PCGF5: variants seen among roughly 807,000 people sequenced by gnomAD.
The protein encoded by PCGF5 is polycomb group ring finger 5.
Under a neutral mutation model 44.3 loss-of-function variants are expected in PCGF5, and 9 were observed. That is an observed-to-expected ratio of 0.20 (90% CI 0.12 to 0.35). The LOEUF is 0.35. Ranked by LOEUF, PCGF5 falls within the 10% of genes least tolerant of loss-of-function variation. The pLI is 1.00. For missense variants in PCGF5, 146 were observed against 305.3 expected, an observed-to-expected ratio of 0.48 and a Z score of 3.89; for synonymous variants, 95 against 102.5, an observed-to-expected ratio of 0.93 and a Z score of 0.44.
chr10:91,184,142 T>A (rs1363194773), intron 1 of PCGF5, among the ~76,000 whole-genome samples: 1 of 152,216 alleles, frequency 6.6e-6, no homozygotes, highest in East Asian at 1.9e-4. Flanking sequence ...ATGGATGATA[T>A]CCTAAAATAT....
chr10:91,274,087 TCTC>T (rs1846249840), intron 9 of PCGF5, among the ~76,000 whole-genome samples: 1 of 151,756 alleles, frequency 6.6e-6, no homozygotes, highest in Admixed American at 6.6e-5. Flanking sequence ...CTCTTTCTCT[TCTC>T]ATCTCCTTAT....
At chr10:91,217,840 G>A (rs1361521403), upstream of PCGF5, among the ~76,000 whole-genome samples, 1 of 152,210 alleles carries the variant, frequency 6.6e-6, no homozygotes, top group Non-Finnish European at 1.5e-5. Flanking sequence ...AGACTAGAGT[G>A]CAATGGCGCG....
intron 6 of PCGF5, among the ~76,000 whole-genome samples, chr10:91,258,652 G>C (rs190181314): frequency 8.5e-5 from 13 of 152,246 alleles, no homozygotes; most frequent in Admixed American, 5.9e-4. Context: ...TAGTTGAGAA[G>C]GTGAACAGAT....
At chr10:91,199,024 G>A (rs897993453) in intron 1 of PCGF5, among the ~76,000 whole-genome samples, 2 of 151,968 alleles carry the variant, frequency 1.3e-5, no homozygotes, top group Non-Finnish European at 2.9e-5. Flanking sequence ...TATTGTTTTT[G>A]TTCAGAAACT....
chr10:91,278,191 T>A, intron 9 of PCGF5, 78 bp from the exon 10 acceptor site: 1 of 1,230,710 alleles, frequency 8.1e-7, no homozygotes, highest in Non-Finnish European at 1.2e-6. Context: ...AACTCCGAAT[T>A]CTTAAAATCT....
At chr10:91,244,040 T>A (rs796707685) in intron 3 of PCGF5, among the ~76,000 whole-genome samples, 6 of 152,286 alleles carry the variant, frequency 3.9e-5, no homozygotes, top group African/African-American at 1.4e-4. Context: ...AAAATAAAGA[T>A]CTTTGCCCTT....
At chr10:91,215,674 A>G (rs769874363), upstream of PCGF5, among the ~76,000 whole-genome samples, 13 of 152,212 alleles carry the variant, frequency 8.5e-5, no homozygotes, top group Non-Finnish European at 1.8e-4. Context: ...CAGCTAACAC[A>G]CTTTTCTTCT....
chr10:91,214,096 G>A (rs1255773940), intron 1 of PCGF5, among the ~76,000 whole-genome samples: 1 of 152,062 alleles, frequency 6.6e-6, no homozygotes, highest in Non-Finnish European at 1.5e-5. Flanking sequence ...GAGCCCAGAA[G>A]TTCAAGACCA....
upstream of PCGF5, among the ~76,000 whole-genome samples, chr10:91,158,533 C>G (rs144026223): frequency 1.7e-4 from 26 of 152,230 alleles, no homozygotes; most frequent in African/African-American, 5.8e-4. Context: ...GAGCTAGGTT[C>G]TAGACATTAA....
chr10:91,265,489 T>C (rs1399483861), intron 8 of PCGF5, among the ~76,000 whole-genome samples: 1 of 152,132 alleles, frequency 6.6e-6, no homozygotes, highest in Non-Finnish European at 1.5e-5. Context: ...TAATTTATTC[T>C]GTAAACTAGA....
rs1253851433 is a variant in PCGF5, at chr10:91,271,692, T to G, written c.718T>G (p.Tyr240Asp). ...SQVCSQDGPL[Y>D]QSYPMVLQYR... ...AGTCTGCTCTCAGGATGGCCCTTTGTATCAGGTAAGAGGCACTCACGACTG... is the reference window on the plus strand; with the variant it reads ...AGTCTGCTCTCAGGATGGCCCTTTGGATCAGGTAAGAGGCACTCACGACTG... The change falls in exon 9 of 10, where the codon TAT becomes GAT. Residue 240 changes from tyrosine to aspartate, a missense_variant. By Grantham distance (160) the Tyr-to-Asp change is radical. Around this residue, in one of 3 missense-constraint regions of PCGF5, gnomAD observed 19 missense variants for 17.2 expected, o/e 1.11. Transcript: ENST00000336126. 1 of 1,613,648 alleles carries G rather than the reference T, an allele frequency of 6.2e-7. No individual in the cohort carries two copies. Among genetic ancestry groups the G allele is most frequent in the Middle Eastern group, 1.7e-4 (1 of 6,058 alleles).
chr10:91,195,477 TATATATATAGAGAGAG>T (rs1844115424), intron 1 of PCGF5, among the ~76,000 whole-genome samples: 7 of 110,898 alleles, frequency 6.3e-5, no homozygotes, highest in African/African-American at 2.5e-4. Context: ...CATGCATATA[TATATATATAGAGAGAG>T]AGAGAGAGAG....
intron 9 of PCGF5, among the ~76,000 whole-genome samples, chr10:91,276,790 T>C (rs1174843251): frequency 6.6e-6 from 1 of 152,128 alleles, no homozygotes; most frequent in African/African-American, 2.4e-5. Flanking sequence ...TTCAATAGAA[T>C]CAGGAATCAA....
At chr10:91,188,065 G>A (rs1400366592) in intron 1 of PCGF5, among the ~76,000 whole-genome samples, 1 of 152,002 alleles carries the variant, frequency 6.6e-6, no homozygotes, top group Non-Finnish European at 1.5e-5. Context: ...CCATGCTGGT[G>A]TGCTGCACCC....
chr10:91,248,611 A>G (rs778824329), intron 4 of PCGF5, 51 bp downstream of exon 4: 1 of 1,599,874 alleles, frequency 6.3e-7, no homozygotes. Flanking sequence ...TGAAATCAAC[A>G]CTTCTATTAA....
chr10:91,275,307 GA>G (rs34912755), intron 9 of PCGF5, among the ~76,000 whole-genome samples: 20,535 of 149,380 alleles, frequency 0.14, 2,503 homozygotes, highest in African/African-American at 0.33. Context: ...GTCAAGAAAT[GA>G]AAAAAAAATA....
upstream of PCGF5, among the ~76,000 whole-genome samples, chr10:91,218,468 G>A (rs1389440396): frequency 2.0e-5 from 3 of 152,098 alleles, no homozygotes; most frequent in East Asian, 5.8e-4. Context: ...CAGTACCAAG[G>A]GACTAGACTA....
chr10:91,162,092 A>C (rs78673759), upstream of PCGF5, among the ~76,000 whole-genome samples: 2,543 of 151,976 alleles, frequency 0.017, 80 homozygotes, highest in African/African-American at 0.059. Context: ...GAGAACAGAG[A>C]AGGATCAAAA....
intron 9 of PCGF5, among the ~76,000 whole-genome samples, chr10:91,274,207 A>G (rs2133459538): frequency 6.6e-6 from 1 of 152,236 alleles, no homozygotes; most frequent in African/African-American, 2.4e-5. Context: ...TTCCAAACAC[A>G]CTTTTACCAG....
Sources: allele counts gnomAD v4.1 joint callset (sites outside exome capture counted in the v4.1 genomes callset), GRCh38; gene constraint gnomAD v4.1.1; regional missense constraint gnomAD v4.1.1; transcripts MANE v1.5; gene names NCBI Gene and HGNC (gene_info 2026-07-23, HGNC 2026-07-21).